The following CCDC138 variants were observed in gnomAD, a reference collection of about 807,000 sequenced individuals.
CCDC138 encodes the protein coiled-coil domain-containing protein 138.
Under a neutral mutation model 82.3 loss-of-function variants are expected in CCDC138, and 66 were observed. The observed-to-expected ratio is 0.80, with a 90% CI of 0.66 to 0.98. The LOEUF (loss-of-function observed/expected upper bound fraction) is 0.98, where lower values mean the gene tolerates loss of function less well. Ranked by LOEUF, CCDC138 falls within the 50% of genes least tolerant of loss-of-function variation. The probability of loss-of-function intolerance (pLI) is 0.00; values close to 1 mark genes in which losing one functional copy is unlikely to be tolerated. For missense variants in CCDC138, 816 were observed against 758.9 expected, an observed-to-expected ratio of 1.08 and a Z score of -0.88; for synonymous variants, 297 against 265.4, an observed-to-expected ratio of 1.12 and a Z score of -1.16.
Position 108,804,996 on chromosome 2 carries a change from C to T in CCDC138, c.843C>T (p.Thr281=). The change falls in exon 7 of 15, where the codon ACC becomes ACT. Residue 281 remains threonine, a synonymous_variant. Coordinates refer to ENST00000295124, the MANE Select transcript of CCDC138 (RefSeq NM_144978.3). The part of the protein sequence containing the change: ...SFDALKELND[T]LKKQLNEASE... Reference sequence around the variant, plus strand: ...ATGCATTGAAAGAATTGAATGATACCTTAAAAAAACAGGTAAGACCTGTTT... The same window carrying T: ...ATGCATTGAAAGAATTGAATGATACTTTAAAAAAACAGGTAAGACCTGTTT... 1.3e-6 allele frequency: 2 copies of T among 1,525,840 alleles called. No homozygotes were observed. Among genetic ancestry groups the T allele is most frequent in the East Asian group, 4.8e-5 (2 of 41,578 alleles). The allele number at this position is 1,525,840 out of a possible 1,614,324, so 94.5% of individuals were successfully genotyped here.
intron 10 of CCDC138, among the ~76,000 whole-genome samples, chr2:108,830,547 C>A (rs947916581): frequency 3.3e-5 from 5 of 152,210 alleles, no homozygotes; most frequent in African/African-American, 1.2e-4. Flanking sequence ...TGGCTCACGC[C>A]TGTAATCCCA....
At chr2:108,807,264 A>G (rs1683026908) in intron 7 of CCDC138, among the ~76,000 whole-genome samples, 1 of 152,244 alleles carries the variant, frequency 6.6e-6, no homozygotes, top group Non-Finnish European at 1.5e-5. Flanking sequence ...GAGAATTCCT[A>G]GCATAGGTCC....
chr2:108,834,213 A>C (rs567126442), intron 10 of CCDC138, among the ~76,000 whole-genome samples: 4 of 148,134 alleles, frequency 2.7e-5, no homozygotes, highest in Admixed American at 2.0e-4. Context: ...TCATCTTTGA[A>C]ATTTTTTTTT....
chr2:108,879,155 A>G (rs952125446), downstream of CCDC138, among the ~76,000 whole-genome samples: 14 of 152,332 alleles, frequency 9.2e-5, no homozygotes, highest in African/African-American at 2.9e-4. Context: ...AATTTTCTGT[A>G]GAGACAGGGT....
intron 10 of CCDC138, among the ~76,000 whole-genome samples, chr2:108,819,003 A>C (rs1441697825): frequency 2.6e-5 from 4 of 152,256 alleles, no homozygotes; most frequent in Admixed American, 2.6e-4. Context: ...AGATACAAAA[A>C]TTCAGTACAA....
chr2:108,851,064 C>T (rs1340791097), intron 12 of CCDC138, among the ~76,000 whole-genome samples: 1 of 152,098 alleles, frequency 6.6e-6, no homozygotes, highest in Non-Finnish European at 1.5e-5. Flanking sequence ...TTCCTACAAC[C>T]CCCTCTTTGG....
Position 108,876,462 on chromosome 2 carries a change from C to A in CCDC138, c.*209C>A. Reference sequence around the variant, plus strand: ...GTTCAGGTAAGGTAATACTAATATACAAGATGGCGTTTCTAGAATGTATGA... The same window carrying A: ...GTTCAGGTAAGGTAATACTAATATAAAAGATGGCGTTTCTAGAATGTATGA... On this transcript the variant is annotated 3_prime_UTR_variant, in exon 15 of 15. Coordinates refer to ENST00000295124, the MANE Select transcript of CCDC138 (RefSeq NM_144978.3). 2.9e-6 allele frequency: 1 copy of A among 344,530 alleles called. No individual in the cohort carries two copies. The highest frequency in any genetic ancestry group is 5.2e-6 in the Non-Finnish European group (1 of 192,764). The allele number at this position is 344,530 out of a possible 1,614,324, so 21.3% of individuals were successfully genotyped here.
rs753792554 is a variant in CCDC138 at position 108,794,661 on chromosome 2, A to G, written c.516A>G (p.Leu172=). 6.2e-6 allele frequency: 10 copies of G among 1,614,146 alleles called. No homozygotes were observed. In the Admixed American group the frequency reaches 1.7e-4, roughly 27 times the overall value. The part of the protein sequence containing the change: ...PKSKASDKRS[L]LPHQISQIYD... Reference sequence around the variant, plus strand: ...CTAAAGCATCAGACAAGCGGAGTTTACTTCCACATCAGATCAGTCAGATAT... The same window carrying G: ...CTAAAGCATCAGACAAGCGGAGTTTGCTTCCACATCAGATCAGTCAGATAT... The change falls in exon 5 of 15, where the codon TTA becomes TTG. Residue 172 remains leucine, a synonymous_variant. Coordinates refer to ENST00000295124, the MANE Select transcript of CCDC138 (RefSeq NM_144978.3).
At chr2:108,877,186 G>T (rs1696077130), downstream of CCDC138, among the ~76,000 whole-genome samples, 1 of 152,134 alleles carries the variant, frequency 6.6e-6, no homozygotes, top group African/African-American at 2.4e-5. Context: ...AAATGCAGAA[G>T]GCCAGGCGCG....
Position 108,856,964 on chromosome 2 carries a change from G to A in CCDC138, c.1687G>A (p.Glu563Lys). The change falls in exon 13 of 15, where the codon GAA becomes AAA. Residue 563 changes from glutamate to lysine, a missense_variant. Coordinates refer to ENST00000295124, the MANE Select transcript of CCDC138 (RefSeq NM_144978.3). ...VIDSLLQMTVESKSLQPFLEA... is the reference protein window; with the variant it reads ...VIDSLLQMTVKSKSLQPFLEA... ...TGATAGTTTGCTCCAGATGACGGTG[G>A]AATCTAGTAAGTTTTTAAGTTCTAT... 1 of 1,582,806 alleles carries A rather than the reference G, an allele frequency of 6.3e-7. No homozygotes were observed. Among genetic ancestry groups the A allele is most frequent in the Non-Finnish European group, 8.6e-7 (1 of 1,163,176 alleles).
chr2:108,803,983 T>G (rs1194458599), intron 6 of CCDC138, among the ~76,000 whole-genome samples: 1 of 152,238 alleles, frequency 6.6e-6, no homozygotes, highest in Non-Finnish European at 1.5e-5. Flanking sequence ...AGTAATAAAG[T>G]CATACAAAGA....
At chr2:108,837,420 G>T (rs958882749) in intron 10 of CCDC138, among the ~76,000 whole-genome samples, 1 of 151,994 alleles carries the variant, frequency 6.6e-6, no homozygotes, top group African/African-American at 2.4e-5. Flanking sequence ...TTAATATACC[G>T]CCATGCACTG....
intron 12 of CCDC138, among the ~76,000 whole-genome samples, chr2:108,848,321 C>T (rs2150672134): frequency 6.6e-6 from 1 of 152,214 alleles, no homozygotes; most frequent in South Asian, 2.1e-4. Context: ...CACTTGTGTG[C>T]AGCAGTTTTG....
chr2:108,813,610 A>G (rs1386449858), intron 9 of CCDC138, among the ~76,000 whole-genome samples: 1 of 152,142 alleles, frequency 6.6e-6, no homozygotes, highest in Non-Finnish European at 1.5e-5. Context: ...TTTCCCTAAG[A>G]ATTTTTAAAA....
rs534983917 is a variant in CCDC138 at position 108,839,205 on chromosome 2, G to A, written c.1227G>A (p.Glu409=). 3.7e-6 allele frequency: 6 copies of A among 1,610,230 alleles called. No individual in the cohort carries two copies. In the African/African-American group the frequency reaches 6.7e-5, roughly 18 times the overall value. The change falls in exon 11 of 15, where the codon GAG becomes GAA. Residue 409 remains glutamate (E), a synonymous_variant. Coordinates refer to ENST00000295124, the MANE Select transcript of CCDC138 (RefSeq NM_144978.3). ...KCVKLLPLMT[E]QLQWMPFVNI... Reference sequence around the variant, plus strand: ...TTTAGCTTTTGCCTCTAATGACAGAGCAGCTACAGTGGATGCCATTTGTGA... The same window carrying A: ...TTTAGCTTTTGCCTCTAATGACAGAACAGCTACAGTGGATGCCATTTGTGA...
rs147235305 is a variant in CCDC138, at chr2:108,794,641, G to A, written c.496G>A (p.Ala166Thr). 7 of 1,613,966 alleles carry A rather than the reference G, an allele frequency of 4.3e-6. No homozygotes were observed. The African/African-American group carries it at 6.7e-5, about 15-fold the overall frequency. Reference protein sequence around the residue: ...LKPVSCPKSKASDKRSLLPHQ... With the variant: ...LKPVSCPKSKTSDKRSLLPHQ... Reference sequence around the variant, plus strand: ...ACCTGTCAGCTGTCCAAAATCTAAAGCATCAGACAAGCGGAGTTTACTTCC... The same window carrying A: ...ACCTGTCAGCTGTCCAAAATCTAAAACATCAGACAAGCGGAGTTTACTTCC... Residue 166 changes from alanine (A) to threonine (T), a missense_variant, in exon 5 of 15, where the codon GCA becomes ACA. Coordinates refer to ENST00000295124, the MANE Select transcript of CCDC138 (RefSeq NM_144978.3).
intron 10 of CCDC138, among the ~76,000 whole-genome samples, chr2:108,828,002 C>T (rs1686926820): frequency 6.6e-6 from 1 of 151,456 alleles, no homozygotes; most frequent in African/African-American, 2.4e-5. Context: ...AGAACGTGAC[C>T]ACAAAAACAG....
intron 9 of CCDC138, among the ~76,000 whole-genome samples, 197 bp downstream of exon 9, chr2:108,813,124 C>T (rs750241875): frequency 6.6e-6 from 1 of 151,688 alleles, no homozygotes; most frequent in African/African-American, 2.4e-5. Context: ...TGGCACACGC[C>T]TGTAGTCCCA....
At chr2:108,857,679 T>A (rs1245142557) in intron 13 of CCDC138, among the ~76,000 whole-genome samples, 2 of 152,224 alleles carry the variant, frequency 1.3e-5, no homozygotes, top group Admixed American at 1.3e-4. Context: ...CTACCTAGAT[T>A]AGTAATCTTG....
Sources: allele counts gnomAD v4.1 joint callset (sites outside exome capture counted in the v4.1 genomes callset), GRCh38; gene constraint gnomAD v4.1.1; transcripts MANE v1.5; gene names NCBI Gene and HGNC (gene_info 2026-07-23, HGNC 2026-07-21).